The following GNPTAB variants were observed in gnomAD, a reference collection of about 807,000 sequenced individuals.
GNPTAB encodes N-acetylglucosamine-1-phosphate transferase subunits alpha and beta.
Under a neutral mutation model 136.6 loss-of-function variants are expected in GNPTAB, and 92 were observed. The ratio of observed to expected loss-of-function variants is 0.67; its 90% CI spans 0.57 to 0.80. The LOEUF (loss-of-function observed/expected upper bound fraction) is 0.80. Ranked by LOEUF, GNPTAB falls within the 30% of genes least tolerant of loss-of-function variation. The pLI is 0.00. For missense variants in GNPTAB, 1,343 were observed against 1,501.8 expected (o/e 0.89, Z 1.75); for synonymous variants, 512 against 535.1 (o/e 0.96, Z 0.60).
chr12:101,800,976 G>A (rs1043052033), intron 1 of GNPTAB, among the ~76,000 whole-genome samples: 12 of 152,000 alleles, frequency 7.9e-5, no homozygotes, highest in Non-Finnish European at 4.4e-5. Context: ...GCTGACGCCT[G>A]TAAAGCCAGC....
chr12:101,750,414 T>G (rs1472670024), intron 19 of GNPTAB, among the ~76,000 whole-genome samples: 2 of 152,172 alleles, frequency 1.3e-5, no homozygotes, highest in African/African-American at 4.8e-5. Context: ...TAATGTCTAG[T>G]GTCAGTGCAG....
chr12:101,808,126 T>C (rs1214451161), intron 1 of GNPTAB, among the ~76,000 whole-genome samples: 2 of 152,122 alleles, frequency 1.3e-5, no homozygotes, highest in Non-Finnish European at 2.9e-5. Context: ...TCAAAGAAGA[T>C]CCAAATGAAA....
At chr12:101,824,915 C>A (rs1190691546) in intron 1 of GNPTAB, among the ~76,000 whole-genome samples, 1 of 152,218 alleles carries the variant, frequency 6.6e-6, no homozygotes, top group South Asian at 2.1e-4. Context: ...TCACAAACTT[C>A]TCTGACATTA....
At chr12:101,787,846 G>A (rs1429895509) in intron 4 of GNPTAB, among the ~76,000 whole-genome samples, 1 of 149,432 alleles carries the variant, frequency 6.7e-6, no homozygotes. Flanking sequence ...CTGGGAGGCG[G>A]AGGTTGCGGT....
At chr12:101,766,447 G>A (rs1358439781) in intron 11 of GNPTAB, among the ~76,000 whole-genome samples, 153 bp from the exon 12 acceptor site, 1 of 152,178 alleles carries the variant, frequency 6.6e-6, no homozygotes, top group African/African-American at 2.4e-5. Context: ...AGACCAGCCT[G>A]GCCAACATGG....
At chr12:101,763,829 G>A (rs1022248438) in intron 13 of GNPTAB, among the ~76,000 whole-genome samples, 3 of 152,178 alleles carry the variant, frequency 2.0e-5, no homozygotes, top group African/African-American at 7.2e-5. Flanking sequence ...TTGGGGAAGC[G>A]AATGAACTTA....
intron 19 of GNPTAB, among the ~76,000 whole-genome samples, chr12:101,752,974 C>T (rs1189166591): frequency 2.0e-5 from 3 of 152,056 alleles, no homozygotes; most frequent in East Asian, 1.9e-4. Context: ...AAATTTTGGC[C>T]GAGCATGGTG....
At chr12:101,820,487 T>C (rs1870736560) in intron 1 of GNPTAB, among the ~76,000 whole-genome samples, 1 of 152,168 alleles carries the variant, frequency 6.6e-6, no homozygotes. Flanking sequence ...TTTCTCAACT[T>C]CAGCACTATC....
chr12:101,803,236 T>C (rs1869745273), intron 1 of GNPTAB, among the ~76,000 whole-genome samples: 1 of 152,136 alleles, frequency 6.6e-6, no homozygotes, highest in Non-Finnish European at 1.5e-5. Context: ...TTACAAAAAG[T>C]CTTCTTAGTT....
At chr12:101,748,947 T>C (rs1246496963) in intron 20 of GNPTAB, among the ~76,000 whole-genome samples, 154 bp downstream of exon 20, 1 of 152,220 alleles carries the variant, frequency 6.6e-6, no homozygotes, top group Non-Finnish European at 1.5e-5. Context: ...TGCCTGAATA[T>C]TGTGAAACAT....
intron 1 of GNPTAB, among the ~76,000 whole-genome samples, chr12:101,800,171 G>T (rs1393152855): frequency 7.3e-6 from 1 of 136,214 alleles, no homozygotes; most frequent in East Asian, 2.4e-4. Context: ...TGGGACCTCT[G>T]CCAGCTAGCT....
At chr12:101,822,451 C>G (rs1218686193) in intron 1 of GNPTAB, among the ~76,000 whole-genome samples, 13 of 152,146 alleles carry the variant, frequency 8.5e-5, no homozygotes, top group Non-Finnish European at 2.9e-5. Context: ...AGCTCTAACA[C>G]CTGCACAACA....
chr12:101,820,626 C>A (rs1239644516), intron 1 of GNPTAB, among the ~76,000 whole-genome samples: 2 of 152,162 alleles, frequency 1.3e-5, no homozygotes, highest in Admixed American at 6.5e-5. Flanking sequence ...CCAGCTGTAT[C>A]AACCAAAAAT....
intron 1 of GNPTAB, among the ~76,000 whole-genome samples, chr12:101,800,196 T>TATG (rs5800487): frequency 0.64 from 96,645 of 151,472 alleles, 32,190 homozygotes; most frequent in East Asian, 0.92. Context: ...GTTCAAAAAT[T>TATG]ATCTTTGGCC....
intron 6 of GNPTAB, 103 bp downstream of exon 6, chr12:101,780,454 T>A (rs909574180): frequency 9.2e-7 from 1 of 1,084,850 alleles, no homozygotes; most frequent in African/African-American, 1.6e-5. Flanking sequence ...TACCCTTAGA[T>A]AAAAAATAAA....
chr12:101,825,434 C>T (rs752957156), intron 1 of GNPTAB, among the ~76,000 whole-genome samples: 1 of 152,154 alleles, frequency 6.6e-6, no homozygotes, highest in Admixed American at 6.6e-5. Context: ...AAAAAATTTA[C>T]CTTTACTTGA....
At chr12:101,821,247 T>C (rs1283649407) in intron 1 of GNPTAB, among the ~76,000 whole-genome samples, 2 of 152,152 alleles carry the variant, frequency 1.3e-5, no homozygotes, top group Admixed American at 1.3e-4. Flanking sequence ...AGGAGCCAAG[T>C]CTGCTTTGTT....
At chr12:101,765,457 T>C (rs1043563618) in intron 12 of GNPTAB, 153 bp from the exon 13 acceptor site, 2 of 645,778 alleles carry the variant, frequency 3.1e-6, no homozygotes, top group East Asian at 2.7e-5. Flanking sequence ...GCAGGGGCCA[T>C]GCTAATGCCT....
chr12:101,821,057 CAAAAAAA>C, intron 1 of GNPTAB, among the ~76,000 whole-genome samples: 1 of 28,686 alleles, frequency 3.5e-5, no homozygotes, highest in Admixed American at 4.2e-4. Context: ...GACTCCGTCT[CAAAAAAA>C]AAAAAAAAAA....
Sources: gnomAD v4.1 joint callset for allele counts (sites outside exome capture counted in the v4.1 genomes callset) on GRCh38, gnomAD v4.1.1 for gene constraint, MANE v1.5 for transcripts, NCBI Gene and HGNC (gene_info 2026-07-23, HGNC 2026-07-21) for gene names.